TLR4: variants seen among roughly 807,000 people sequenced by gnomAD.
TLR4 encodes the protein toll-like receptor 4.
In TLR4, 17 loss-of-function variants were observed where a neutral mutation model predicts 27.4. The ratio of observed to expected loss-of-function variants is 0.62; its 90% CI spans 0.42 to 0.93. The LOEUF (loss-of-function observed/expected upper bound fraction) is 0.93. Ranked by LOEUF, TLR4 falls within the 40% of genes least tolerant of loss-of-function variation. The probability of loss-of-function intolerance (pLI) is 0.00; values close to 1 mark genes in which losing one functional copy is unlikely to be tolerated. For synonymous variants in TLR4, 363 were observed against 365.7 expected (o/e 0.99, Z 0.08); for missense variants, 926 against 962.3 (o/e 0.96, Z 0.50).
At chr9:117,712,349 G>A in intron 2 of TLR4, 40 bp from the exon 3 acceptor site, 1 of 1,576,026 alleles carries the variant, frequency 6.3e-7, no homozygotes, top group Non-Finnish European at 8.7e-7. Context: ...TTCTTATTCA[G>A]CAGAAATATT....
rs567112083 is a variant in TLR4, at chr9:117,721,760, A to G, written c.*7112A>G. 2.6e-5 allele frequency: 4 copies of G among 152,362 alleles called. No homozygotes were observed. The East Asian group carries it at 7.7e-4, about 29-fold the overall frequency. 9.4% of individuals were successfully genotyped at this position (152,362 alleles called of 1,614,324 possible). A position where few individuals can be genotyped will look rare whatever the true frequency, so the allele number is the denominator to read the frequency against. Reference sequence around the variant, plus strand: ...ACAGACAGATTTGGGAATTACTGTTATAATGGAAAATGGAGAATAACCACC... The same window carrying G: ...ACAGACAGATTTGGGAATTACTGTTGTAATGGAAAATGGAGAATAACCACC... On this transcript the variant is annotated 3_prime_UTR_variant, in exon 3 of 3. Transcript: ENST00000355622.
chr9:117,714,868 A>G lies in TLR4; in HGVS notation c.*220A>G, dbSNP rs1829316789. ...CAGAGTCTTCCAGGTGGGCATTTCA[A>G]CCAACTCAGTCAAGGAACCCATGAC... On this transcript the variant is annotated 3_prime_UTR_variant, in exon 3 of 3. Transcript: ENST00000355622. The G allele has an allele frequency of 1.7e-6, 1 of 583,456 alleles. No individual in the cohort carries two copies. The highest frequency in any genetic ancestry group is 1.9e-5 in the African/African-American group (1 of 53,514). 36.1% of individuals were successfully genotyped at this position (583,456 alleles called of 1,614,324 possible). A position where few individuals can be genotyped will look rare whatever the true frequency, so the allele number is the denominator to read the frequency against.
In TLR4 at chr9:117,714,125, AG is replaced by A. The variant is rs765797524; in HGVS notation, c.1998del (p.Lys666AsnfsTer23). On this transcript the variant is annotated frameshift_variant, in exon 3 of 3. Transcript: ENST00000355622. LOFTEE classifies it high-confidence loss of function. ...CTGATGCTTCTTGCTGGCTGCATAA[AG>A]TATGGTAGAGGTGAAAACATCTATG... ...FHLMLLAGCI[K>X]YGRGENIYDA... The A allele has an allele frequency of 5.0e-6, 8 of 1,613,992 alleles. No homozygotes were observed. Among genetic ancestry groups the A allele is most frequent in the Non-Finnish European group, 5.1e-6 (6 of 1,180,014 alleles).
In TLR4 at chr9:117,714,432, C is replaced by G; in HGVS notation, c.2304C>G (p.Phe768Leu). Reference protein sequence around the residue: ...QFLSSRAGIIFIVLQKVEKTL... With the variant: ...QFLSSRAGIILIVLQKVEKTL... ...TGAGCAGTCGTGCTGGTATCATCTT[C>G]ATTGTCCTGCAGAAGGTGGAGAAGA... Residue 768 changes from phenylalanine (F) to leucine (L), a missense_variant, in exon 3 of 3, where the codon TTC becomes TTG. Phe to Leu is a conservative substitution (Grantham distance 22). Coordinates refer to ENST00000355622, the MANE Select transcript of TLR4 (RefSeq NM_138554.5). The G allele has an allele frequency of 1.9e-6, 3 of 1,613,888 alleles. No individual in the cohort carries two copies. The highest frequency in any genetic ancestry group is 2.5e-6 in the Non-Finnish European group (3 of 1,179,946).
In TLR4 at chr9:117,714,464, T is replaced by C; in HGVS notation, c.2336T>C (p.Leu779Pro). The C allele has an allele frequency of 6.2e-7, 1 of 1,613,882 alleles. No individual in the cohort carries two copies. The highest frequency in any genetic ancestry group is 8.5e-7 in the Non-Finnish European group (1 of 1,179,998). ...CTGCAGAAGGTGGAGAAGACCCTGC[T>C]CAGGCAGCAGGTGGAGCTGTACCGC... ...IVLQKVEKTL[L>P]RQQVELYRLL... Residue 779 changes from leucine to proline, a missense_variant, in exon 3 of 3, where the codon CTC becomes CCC. Transcript: ENST00000355622.
intron 1 of TLR4, among the ~76,000 whole-genome samples, chr9:117,707,660 A>G (rs938828356): frequency 8.5e-5 from 13 of 152,192 alleles, no homozygotes; most frequent in Non-Finnish European, 1.5e-4. Context: ...CAGTGTAAAA[A>G]CAAAGACAGC....
At position 117,713,619 on chromosome 9, in the gene TLR4, CT is replaced by C; in HGVS notation, c.1493del (p.Leu498Ter). ...LPDIFTELRN[L>X]TFLDLSQCQL... The stretch of plus-strand genomic sequence containing the variant: ...CAGATATCTTCACAGAGCTGAGAAA[CT>C]TGACCTTCCTGGACCTCTCTCAGTG... On this transcript the variant is annotated frameshift_variant, in exon 3 of 3. Coordinates refer to ENST00000355622, the MANE Select transcript of TLR4 (RefSeq NM_138554.5). LOFTEE classifies it low-confidence loss of function (END_TRUNC). The C allele has an allele frequency of 6.2e-7, 1 of 1,614,074 alleles. No individual in the cohort carries two copies. The highest frequency in any genetic ancestry group is 1.1e-5 in the South Asian group (1 of 91,082).
In TLR4 at chr9:117,714,049, G is replaced by A. The variant is rs757979641; in HGVS notation, c.1921G>A (p.Val641Met). Reference sequence around the variant, plus strand: ...CATCATTGGTGTGTCGGTCCTCAGTGTGCTTGTAGTATCTGTTGTAGCAGT... The same window carrying A: ...CATCATTGGTGTGTCGGTCCTCAGTATGCTTGTAGTATCTGTTGTAGCAGT... ...KTIIGVSVLS[V>M]LVVSVVAVLV... The change falls in exon 3 of 3, where the codon GTG becomes ATG. Residue 641 changes from valine (V) to methionine (M), a missense_variant. Val to Met is a conservative substitution (Grantham distance 21). Coordinates refer to ENST00000355622, the MANE Select transcript of TLR4 (RefSeq NM_138554.5). 1 of 1,613,934 alleles carries A rather than the reference G, an allele frequency of 6.2e-7. No individual in the cohort carries two copies. The highest frequency in any genetic ancestry group is 8.5e-7 in the Non-Finnish European group (1 of 1,179,982).
chr9:117,713,744 C>T lies in TLR4; in HGVS notation c.1616C>T (p.Pro539Leu), dbSNP rs976090284. 16 of 1,613,856 alleles carry T rather than the reference C, an allele frequency of 9.9e-6. No homozygotes were observed. The highest frequency in any genetic ancestry group is 6.7e-5 in the Admixed American group (4 of 59,968). The change falls in exon 3 of 3, where the codon CCT becomes CTT. Residue 539 changes from proline to leucine, a missense_variant. By Grantham distance (98) the Pro-to-Leu change is moderately conservative. Coordinates refer to ENST00000355622, the MANE Select transcript of TLR4 (RefSeq NM_138554.5). ...AACTTCTTTTCATTGGATACGTTTC[C>T]TTATAAGTGTCTGAACTCCCTCCAG... The part of the protein sequence containing the change: ...HNNFFSLDTF[P>L]YKCLNSLQVL...
rs900535496 is a variant in TLR4, at chr9:117,721,062, ACT to A, written c.*6419_*6420del. 2 of 152,024 alleles carry A rather than the reference ACT, an allele frequency of 1.3e-5. No individual in the cohort carries two copies. The highest frequency in any genetic ancestry group is 4.8e-5 in the African/African-American group (2 of 41,382). 9.4% of individuals were successfully genotyped at this position (152,024 alleles called of 1,614,324 possible). A position where few individuals can be genotyped will look rare whatever the true frequency, so the allele number is the denominator to read the frequency against. On this transcript the variant is annotated 3_prime_UTR_variant, in exon 3 of 3. Coordinates refer to ENST00000355622, the MANE Select transcript of TLR4 (RefSeq NM_138554.5). ...ATTCTTTTTAAGATGGGTAACAAAG[ACT>A]CTCTTCAAGGTTAGAAAATTTTATT...
At position 117,719,497 on chromosome 9, in the gene TLR4, A is replaced by G. The variant is rs1829398598; in HGVS notation, c.*4849A>G. On this transcript the variant is annotated 3_prime_UTR_variant, in exon 3 of 3. Coordinates refer to ENST00000355622, the MANE Select transcript of TLR4 (RefSeq NM_138554.5). ...CCATTATAATTTTGACTGATATTAA[A>G]CAAAGAGAAGTATTATTATTATTAC... The G allele has an allele frequency of 1.3e-5, 2 of 152,162 alleles. No homozygotes were observed. The highest frequency in any genetic ancestry group is 4.8e-5 in the African/African-American group (2 of 41,434). 9.4% of individuals were successfully genotyped at this position (152,162 alleles called of 1,614,324 possible). A position where few individuals can be genotyped will look rare whatever the true frequency, so the allele number is the denominator to read the frequency against.
Position 117,714,001 on chromosome 9 carries a change from A to G in TLR4, c.1873A>G (p.Ile625Val). 1 of 1,614,000 alleles carries G rather than the reference A, an allele frequency of 6.2e-7. No individual in the cohort carries two copies. Among genetic ancestry groups the G allele is most frequent in the Non-Finnish European group, 8.5e-7 (1 of 1,179,990 alleles). Residue 625 changes from isoleucine (I) to valine (V), a missense_variant, in exon 3 of 3, where the codon ATC (isoleucine) becomes GTC (valine). By Grantham distance (29) the Ile-to-Val change is conservative. Coordinates refer to ENST00000355622, the MANE Select transcript of TLR4 (RefSeq NM_138554.5). Reference sequence around the variant, plus strand: ...GGGCATGCCTGTGCTGAGTTTGAATATCACCTGTCAGATGAATAAGACCAT... The same window carrying G: ...GGGCATGCCTGTGCTGAGTTTGAATGTCACCTGTCAGATGAATAAGACCAT... ...KQGMPVLSLNITCQMNKTIIG... is the reference protein window; with the variant it reads ...KQGMPVLSLNVTCQMNKTIIG...
rs1829388275 is a variant in TLR4, at chr9:117,718,716, T to C, written c.*4068T>C. ...AGGTTGCTCTAAGGATTGAAAATCATGTATTATGTTCAATACGGGGACACT... is the reference window on the plus strand; with the variant it reads ...AGGTTGCTCTAAGGATTGAAAATCACGTATTATGTTCAATACGGGGACACT... On this transcript the variant is annotated 3_prime_UTR_variant, in exon 3 of 3. Coordinates refer to ENST00000355622, the MANE Select transcript of TLR4 (RefSeq NM_138554.5). 1 of 152,196 alleles carries C rather than the reference T, an allele frequency of 6.6e-6. No homozygotes were observed. Among genetic ancestry groups the C allele is most frequent in the South Asian group, 2.1e-4 (1 of 4,830 alleles). 9.4% of individuals were successfully genotyped at this position (152,196 alleles called of 1,614,324 possible). A position where few individuals can be genotyped will look rare whatever the true frequency, so the allele number is the denominator to read the frequency against.
In TLR4 at chr9:117,713,215, G is replaced by T; in HGVS notation, c.1087G>T (p.Gly363Cys). Residue 363 changes from glycine (G) to cysteine (C), a missense_variant, in exon 3 of 3, where the codon GGT becomes TGT. Physicochemically the swap from Gly to Cys is radical, Grantham distance 159. Transcript: ENST00000355622. The part of the protein sequence containing the change: ...LKRLTFTSNK[G>C]GNAFSEVDLP... ...AAGGCTTACTTTCACTTCCAACAAA[G>T]GTGGGAATGCTTTTTCAGAAGTTGA... The T allele has an allele frequency of 6.2e-7, 1 of 1,613,988 alleles. No individual in the cohort carries two copies. The highest frequency in any genetic ancestry group is 8.5e-7 in the Non-Finnish European group (1 of 1,179,986).
chr9:117,708,394 G>A, intron 1 of TLR4, 169 bp from the exon 2 acceptor site: 1 of 1,477,134 alleles, frequency 6.8e-7, no homozygotes, highest in South Asian at 1.3e-5. Context: ...CATGAATTGA[G>A]TGAATGGATG....
Position 117,721,498 on chromosome 9 carries a change from G to A in TLR4, c.*6850G>A, listed in dbSNP as rs752998. ...ACAGCTGATTTTATTTCAATACAAC[G>A]ATTAAAATGGAAACCATATATGAAG... On this transcript the variant is annotated 3_prime_UTR_variant, in exon 3 of 3. Coordinates refer to ENST00000355622, the MANE Select transcript of TLR4 (RefSeq NM_138554.5). 6.6e-6 allele frequency: 1 copy of A among 152,010 alleles called. No homozygotes were observed. The highest frequency in any genetic ancestry group is 1.5e-5 in the Non-Finnish European group (1 of 68,002). The allele number at this position is 152,010 out of a possible 1,614,324, so 9.4% of individuals were successfully genotyped here. A position where few individuals can be genotyped will look rare whatever the true frequency, so the allele number is the denominator to read the frequency against.
rs1300060709 is a variant in TLR4, at chr9:117,720,561, AG to A, written c.*5915del. The A allele has an allele frequency of 6.6e-6, 1 of 152,228 alleles. No individual in the cohort carries two copies. The highest frequency in any genetic ancestry group is 1.5e-5 in the Non-Finnish European group (1 of 68,052). The allele number at this position is 152,228 out of a possible 1,614,324, so 9.4% of individuals were successfully genotyped here. A position where few individuals can be genotyped will look rare whatever the true frequency, so the allele number is the denominator to read the frequency against. On this transcript the variant is annotated 3_prime_UTR_variant, in exon 3 of 3. Transcript: ENST00000355622. Reference sequence around the variant, plus strand: ...CAAGCAGTTCTGGGAATGGCAATAAAGGTTTAGAAATGACGTGATGTTTATG... The same window carrying A: ...CAAGCAGTTCTGGGAATGGCAATAAAGTTTAGAAATGACGTGATGTTTATG...
intron 2 of TLR4, among the ~76,000 whole-genome samples, chr9:117,710,516 C>A (rs1321376885): frequency 1.3e-5 from 2 of 151,226 alleles, no homozygotes; most frequent in East Asian, 2.0e-4. Context: ...AATTCATCTT[C>A]AATCCACTGG....
At chr9:117,704,664 G>A in intron 1 of TLR4, 99 bp downstream of exon 1, 14 of 904,918 alleles carry the variant, frequency 1.5e-5, no homozygotes, top group Non-Finnish European at 1.9e-5. Context: ...AAAAAAAAAA[G>A]AGTTAAATTA....
Sources: gnomAD v4.1 joint callset for allele counts (sites outside exome capture counted in the v4.1 genomes callset) on GRCh38, gnomAD v4.1.1 for gene constraint, MANE v1.5 for transcripts, NCBI Gene and HGNC (gene_info 2026-07-23, HGNC 2026-07-21) for gene names.